The following NECTIN3 variants were observed in gnomAD, a reference collection of about 807,000 sequenced individuals.
NECTIN3 encodes the protein nectin cell adhesion molecule 3, also known as nectin-3.
In NECTIN3, 8 loss-of-function variants were observed where a neutral mutation model predicts 49.4. The observed-to-expected ratio is 0.16, with a 90% CI of 0.10 to 0.29. The LOEUF (loss-of-function observed/expected upper bound fraction) is 0.29. Ranked by LOEUF, NECTIN3 falls within the 10% of genes least tolerant of loss-of-function variation. NECTIN3 has a pLI of 1.00. For missense variants in NECTIN3, 581 were observed against 654.6 expected (o/e 0.89, Z 1.23); for synonymous variants, 277 against 241.1 (o/e 1.15, Z -1.38).
At chr3:111,115,568 CT>C (rs2033657214) in intron 2 of NECTIN3, among the ~76,000 whole-genome samples, 1 of 152,160 alleles carries the variant, frequency 6.6e-6, no homozygotes, top group African/African-American at 2.4e-5. Context: ...TCCCAAGTGA[CT>C]TATGTACACA....
intron 7 of NECTIN3, among the ~76,000 whole-genome samples, chr3:111,174,563 T>C (rs2107528490): frequency 6.6e-6 from 1 of 152,066 alleles, no homozygotes; most frequent in South Asian, 2.1e-4. Flanking sequence ...TGTGGACTTG[T>C]AGTGATTTAG....
chr3:111,111,099 C>A (rs1285970905), intron 1 of NECTIN3, among the ~76,000 whole-genome samples: 9 of 151,926 alleles, frequency 5.9e-5, no homozygotes, highest in Non-Finnish European at 5.9e-5. Flanking sequence ...TGTATTTGTT[C>A]ATTTATTTTG....
chr3:111,092,241 T>C (rs898448770), intron 1 of NECTIN3, among the ~76,000 whole-genome samples: 1 of 152,248 alleles, frequency 6.6e-6, no homozygotes, highest in African/African-American at 2.4e-5. Context: ...TCTTTTGGTC[T>C]GTAGGTTGTG....
At chr3:111,140,357 CTT>C (rs756223393), downstream of NECTIN3, among the ~76,000 whole-genome samples, 11 of 144,478 alleles carry the variant, frequency 7.6e-5, no homozygotes, top group Non-Finnish European at 3.1e-5. Flanking sequence ...TGCATTTGAT[CTT>C]TTTTTTTTTG....
At chr3:111,184,778 G>C (rs1013772716) in intron 7 of NECTIN3, among the ~76,000 whole-genome samples, 4 of 152,122 alleles carry the variant, frequency 2.6e-5, no homozygotes, top group African/African-American at 9.7e-5. Context: ...TAAGAATTCA[G>C]TTATTTTCTG....
chr3:111,078,622 G>A (rs2031393588), intron 1 of NECTIN3, among the ~76,000 whole-genome samples: 1 of 152,118 alleles, frequency 6.6e-6, no homozygotes, highest in Non-Finnish European at 1.5e-5. Context: ...GCTATGTTAT[G>A]CAGAATACAC....
intron 7 of NECTIN3, among the ~76,000 whole-genome samples, chr3:111,166,851 G>A (rs1037288201): frequency 6.6e-6 from 1 of 152,146 alleles, no homozygotes; most frequent in Non-Finnish European, 1.5e-5. Flanking sequence ...ATGTATATGT[G>A]AATACATGTA....
At chr3:111,175,408 C>A (rs1418263137) in intron 7 of NECTIN3, among the ~76,000 whole-genome samples, 1 of 151,534 alleles carries the variant, frequency 6.6e-6, no homozygotes, top group Non-Finnish European at 1.5e-5. Flanking sequence ...GTATCAGTAC[C>A]ATGGGAGATA....
At chr3:111,129,818 T>G (rs1280250919) in intron 5 of NECTIN3, among the ~76,000 whole-genome samples, 1 of 151,754 alleles carries the variant, frequency 6.6e-6, no homozygotes, top group African/African-American at 2.4e-5. Context: ...TCAGCTAATT[T>G]TTTTGTATTT....
At chr3:111,100,117 C>T (rs985005070) in intron 1 of NECTIN3, among the ~76,000 whole-genome samples, 1 of 152,044 alleles carries the variant, frequency 6.6e-6, no homozygotes, top group Non-Finnish European at 1.5e-5. Context: ...GTTACTGAAT[C>T]ATAAGCCCTA....
chr3:111,104,522 G>A (rs1225732340), intron 1 of NECTIN3, among the ~76,000 whole-genome samples: 1 of 151,842 alleles, frequency 6.6e-6, no homozygotes, highest in Non-Finnish European at 1.5e-5. Flanking sequence ...TTCTCACTAT[G>A]TTGGCCAGGG....
chr3:111,072,732 C>A (rs1367435425), intron 1 of NECTIN3: 5 of 711,734 alleles, frequency 7.0e-6, no homozygotes, highest in Non-Finnish European at 1.1e-5. Flanking sequence ...CGGCTCTGCC[C>A]TGACAGCTTC....
intron 3 of NECTIN3, among the ~76,000 whole-genome samples, chr3:111,120,078 A>T (rs2033879720): frequency 6.6e-6 from 1 of 152,136 alleles, no homozygotes; most frequent in South Asian, 2.1e-4. Flanking sequence ...TCTCTGGAGA[A>T]TCGTGTTAAA....
intron 7 of NECTIN3, among the ~76,000 whole-genome samples, chr3:111,185,513 A>G (rs2035703974): frequency 6.6e-6 from 1 of 152,194 alleles, no homozygotes; most frequent in South Asian, 2.1e-4. Context: ...GCAGAAGTAA[A>G]AATGTATCAC....
chr3:111,106,267 T>G (rs2107437108), intron 1 of NECTIN3, among the ~76,000 whole-genome samples: 1 of 152,306 alleles, frequency 6.6e-6, no homozygotes, highest in South Asian at 2.1e-4. Context: ...GCACAAATTG[T>G]TCACCCAACG....
chr3:111,095,586 T>C (rs2032538415), intron 1 of NECTIN3, among the ~76,000 whole-genome samples: 1 of 152,196 alleles, frequency 6.6e-6, no homozygotes, highest in African/African-American at 2.4e-5. Context: ...GCTTTACATA[T>C]TAATATGGTT....
intron 5 of NECTIN3, among the ~76,000 whole-genome samples, chr3:111,129,690 C>A (rs1454856525): frequency 6.6e-6 from 1 of 151,896 alleles, no homozygotes; most frequent in Non-Finnish European, 1.5e-5. Context: ...GCTCTGTCGC[C>A]CAGGCTGGAG....
At position 111,123,822 on chromosome 3, in the gene NECTIN3, C is replaced by A. The variant is rs540088424; in HGVS notation, c.917+1584C>A. Among the ~76,000 whole-genome samples the A allele has an allele frequency of 3.9e-5, 6 of 152,184 alleles. No homozygotes were observed. In the South Asian group the frequency reaches 1.2e-3, roughly 32 times the overall value. On this transcript the variant is annotated intron_variant, in intron 4 of 5. Coordinates refer to ENST00000485303, the MANE Select transcript of NECTIN3 (RefSeq NM_015480.3). ...ACTTTGGCACTATTGATATTTTAGG[C>A]CGATAATTAGTTTTTGTAGTGTGCA...
chr3:111,112,317 G>A lies in NECTIN3; in HGVS notation c.448G>A (p.Ala150Thr), dbSNP rs2033505696. The change falls in exon 2 of 6, where the codon GCT becomes ACT. Residue 150 changes from alanine to threonine, a missense_variant. Ala to Thr is a moderately conservative substitution (Grantham distance 58, BLOSUM62 0). Transcript: ENST00000485303. ...FSDSGKYICK[A>T]VTFPLGNAQS... is the part of the protein sequence containing the mutation. ...TGATTCTGGAAAATACATCTGCAAA[G>A]CTGTTACATTCCCGCTTGGAAATGC... is the stretch of plus-strand genomic sequence containing the variant. 1 of 1,613,532 alleles carries A rather than the reference G, an allele frequency of 6.2e-7. No individual in the cohort carries two copies. The highest frequency in any genetic ancestry group is 8.5e-7 in the Non-Finnish European group (1 of 1,179,664).
Sources: gnomAD v4.1 joint callset for allele counts (sites outside exome capture counted in the v4.1 genomes callset) on GRCh38, gnomAD v4.1.1 for gene constraint, MANE v1.5 for transcripts, NCBI Gene and HGNC (gene_info 2026-07-23, HGNC 2026-07-21) for gene names.